IPO11: variants seen among roughly 807,000 people sequenced by gnomAD.
The protein encoded by IPO11 is importin 11, also known as importin-11.
A neutral mutation model predicts 143.2 loss-of-function variants in IPO11; 66 were observed. The ratio of observed to expected loss-of-function variants is 0.46; its 90% confidence interval spans 0.38 to 0.57. The LOEUF is 0.57. IPO11 is among the 20% of genes least tolerant of loss of function. The pLI, the probability that IPO11 is intolerant of heterozygous loss-of-function variation, is 0.00. For missense variants in IPO11, 1,026 were observed against 1,141.0 expected (o/e 0.90, Z 1.45); for synonymous variants, 385 against 377.8 (o/e 1.02, Z -0.22).
At chr5:62,566,338 G>A (rs1478379957) in intron 27 of IPO11, among the ~76,000 whole-genome samples, 1 of 152,108 alleles carries the variant, frequency 6.6e-6, no homozygotes, top group Non-Finnish European at 1.5e-5. Context: ...GCATGAGATG[G>A]TATCTCATTG....
intron 10 of IPO11, 142 bp downstream of exon 10, chr5:62,483,435 T>C (rs1746281328): frequency 8.5e-6 from 5 of 586,674 alleles, no homozygotes; most frequent in South Asian, 2.5e-5. Flanking sequence ...ATAAGGATTA[T>C]AGGCTTTAGT....
intron 24 of IPO11, among the ~76,000 whole-genome samples, chr5:62,540,749 A>T (rs1742907374): frequency 6.6e-6 from 1 of 152,206 alleles, no homozygotes; most frequent in South Asian, 2.1e-4. Flanking sequence ...TGTGAGGAAT[A>T]CTTGAGCTTA....
chr5:62,550,001 G>A (rs1743338609), intron 24 of IPO11, among the ~76,000 whole-genome samples: 1 of 152,162 alleles, frequency 6.6e-6, no homozygotes, highest in African/African-American at 2.4e-5. Flanking sequence ...AAAAGCCAAT[G>A]TTTTAAAAAT....
At chr5:62,519,671 A>G (rs988651098) in intron 20 of IPO11, among the ~76,000 whole-genome samples, 1 of 152,242 alleles carries the variant, frequency 6.6e-6, no homozygotes, top group Non-Finnish European at 1.5e-5. Flanking sequence ...CTGAGAAAGT[A>G]CCATAAACTT....
chr5:62,472,809 G>A (rs558882939), intron 7 of IPO11, among the ~76,000 whole-genome samples: 4 of 152,250 alleles, frequency 2.6e-5, no homozygotes, highest in Admixed American at 6.5e-5. Flanking sequence ...GATTACAGGC[G>A]TGAGCCACCA....
At chr5:62,420,151 C>T (rs1284353118) in intron 1 of IPO11, among the ~76,000 whole-genome samples, 7 of 151,738 alleles carry the variant, frequency 4.6e-5, no homozygotes, top group African/African-American at 1.5e-4. Flanking sequence ...ATTAGCCAGG[C>T]GTGGTGGCAC....
chr5:62,418,978 TTTG>T, intron 1 of IPO11: 2 of 1,540,046 alleles, frequency 1.3e-6, no homozygotes, highest in Non-Finnish European at 1.8e-6. Flanking sequence ...GTTAGGCAAT[TTTG>T]TTGTTCTATG....
intron 24 of IPO11, among the ~76,000 whole-genome samples, chr5:62,547,521 C>T (rs2112342990): frequency 6.6e-6 from 1 of 152,242 alleles, no homozygotes. Flanking sequence ...GATTCTGTCC[C>T]ATACCCTCTG....
intron 20 of IPO11, among the ~76,000 whole-genome samples, chr5:62,520,538 GA>G (rs1416655506): frequency 2.0e-5 from 3 of 152,076 alleles, no homozygotes; most frequent in Non-Finnish European, 4.4e-5. Flanking sequence ...CTGACCCCAT[GA>G]CAGGTCCTGG....
chr5:62,437,871 TTCTTGGATA>T (rs1193420456), intron 2 of IPO11, among the ~76,000 whole-genome samples: 1 of 152,236 alleles, frequency 6.6e-6, no homozygotes, highest in Non-Finnish European at 1.5e-5. Flanking sequence ...AGCTGATGTT[TTCTTGGATA>T]TAATGGGAAA....
chr5:62,615,609 T>A (rs1002897445), intron 29 of IPO11, among the ~76,000 whole-genome samples: 2 of 152,062 alleles, frequency 1.3e-5, no homozygotes, highest in Non-Finnish European at 2.9e-5. Context: ...ACAAAGTGAG[T>A]TTCAAAGATT....
chr5:62,568,270 T>C (rs964092711), intron 27 of IPO11, among the ~76,000 whole-genome samples: 2 of 151,920 alleles, frequency 1.3e-5, no homozygotes, highest in Non-Finnish European at 2.9e-5. Context: ...AGGCTGACTG[T>C]ATTTTCAAAT....
chr5:62,619,678 C>A (rs1292249866), intron 29 of IPO11, among the ~76,000 whole-genome samples: 1 of 151,804 alleles, frequency 6.6e-6, no homozygotes, highest in Non-Finnish European at 1.5e-5. Context: ...ACGGTGAAAC[C>A]CTATCTCTAC....
At chr5:62,436,597 GT>G (rs1238048332) in intron 1 of IPO11, among the ~76,000 whole-genome samples, 1 of 152,214 alleles carries the variant, frequency 6.6e-6, no homozygotes, top group Non-Finnish European at 1.5e-5. Flanking sequence ...GAAATTGTGT[GT>G]TTGTTGAATG....
Position 62,487,644 on chromosome 5 carries a change from ACAAAT to A in IPO11, c.1219-122_1219-118del, listed in dbSNP as rs1746459118. ...ATGGTAACCTTACTTTTTTTTTTTA[ACAAAT>A]CAAAAGTTGGAAACATTTTCAAAGT... On this transcript the variant is annotated intron_variant, in intron 12 of 29. Coordinates refer to ENST00000325324, the MANE Select transcript of IPO11 (RefSeq NM_016338.5). 3 of 1,037,570 alleles carry A rather than the reference ACAAAT, an allele frequency of 2.9e-6. No individual in the cohort carries two copies. The African/African-American group carries it at 5.1e-5, about 18-fold the overall frequency. 64.3% of individuals were successfully genotyped at this position (1,037,570 alleles called of 1,614,324 possible).
chr5:62,516,297 T>G (rs1742015466), intron 20 of IPO11, among the ~76,000 whole-genome samples: 1 of 152,198 alleles, frequency 6.6e-6, no homozygotes, highest in Non-Finnish European at 1.5e-5. Flanking sequence ...TGCTTTCTTT[T>G]TTTTTTTCCT....
chr5:62,541,923 A>C (rs1184409868), intron 24 of IPO11, among the ~76,000 whole-genome samples: 1 of 152,142 alleles, frequency 6.6e-6, no homozygotes, highest in East Asian at 1.9e-4. Context: ...TTGAATTAAC[A>C]AATTTGGAGC....
intron 27 of IPO11, among the ~76,000 whole-genome samples, chr5:62,590,079 G>A (rs1216548055): frequency 6.6e-6 from 1 of 152,214 alleles, no homozygotes; most frequent in East Asian, 1.9e-4. Flanking sequence ...GGCTTTAGCC[G>A]CTAGCAGCTG....
intron 10 of IPO11, 143 bp downstream of exon 10, chr5:62,483,436 A>G: frequency 1.7e-6 from 1 of 587,322 alleles, no homozygotes. Context: ...TAAGGATTAT[A>G]GGCTTTAGTA....
Sources: allele counts gnomAD v4.1 joint callset (sites outside exome capture counted in the v4.1 genomes callset), GRCh38; gene constraint gnomAD v4.1.1; transcripts MANE v1.5; gene names NCBI Gene and HGNC (gene_info 2026-07-23, HGNC 2026-07-21).